Variants in ACTL6A observed in about 807,000 individuals in gnomAD.
ACTL6A encodes actin like 6A, also known as actin-like protein 6A.
ACTL6A carries 5 observed loss-of-function variants against 59.2 expected under a neutral mutation model. The observed-to-expected ratio is 0.08, with a 90% CI of 0.04 to 0.18. The LOEUF (loss-of-function observed/expected upper bound fraction) is 0.18. Ranked by LOEUF, ACTL6A falls within the 10% of genes least tolerant of loss-of-function variation. The pLI, the probability that ACTL6A is intolerant of heterozygous loss-of-function variation, is 1.00. For missense variants in ACTL6A, 285 were observed against 526.9 expected (o/e 0.54, Z 4.49); for synonymous variants, 154 against 171.8 (o/e 0.90, Z 0.81).
intron 1 of ACTL6A, among the ~76,000 whole-genome samples, chr3:179,569,124 G>A (rs977667854): frequency 6.6e-6 from 1 of 152,212 alleles, no homozygotes; most frequent in African/African-American, 2.4e-5. Context: ...GTTGATGGTG[G>A]AGGGAGGTTG....
rs773986823 is a variant in ACTL6A at position 179,573,437 on chromosome 3, A to G, written c.346A>G (p.Ser116Gly). The G allele has an allele frequency of 1.2e-5, 19 of 1,590,702 alleles. No individual in the cohort carries two copies. Among genetic ancestry groups the G allele is most frequent in the Admixed American group, 7.2e-5 (4 of 55,470 alleles). ...TYKMHVKSEA[S>G]LHPVLMSEAP... ...CAAAATGCATGTCAAATCAGAAGCCAGTCTCCATCCTGTTCTCATGTCAGA... is the reference window on the plus strand; with the variant it reads ...CAAAATGCATGTCAAATCAGAAGCCGGTCTCCATCCTGTTCTCATGTCAGA... Residue 116 changes from serine (S) to glycine (G), a missense_variant, in exon 4 of 14, where the codon AGT (serine) becomes GGT (glycine). Physicochemically the swap from Ser to Gly is moderately conservative, Grantham distance 56. Transcript: ENST00000429709.
rs1370546470 is a variant in ACTL6A, at chr3:179,573,237, A to G, written c.278-132A>G. 4.4e-5 allele frequency: 25 copies of G among 573,242 alleles called. No individual in the cohort carries two copies. The Admixed American group carries it at 9.5e-4, about 22-fold the overall frequency. 35.5% of individuals were successfully genotyped at this position (573,242 alleles called of 1,614,324 possible). ...CTCTATATAAAGTAATGTGGTATGA[A>G]GTTGATCTGTAAAATCAGTAGGTTC... On this transcript the variant is annotated intron_variant, in intron 3 of 13. Transcript: ENST00000429709.
In ACTL6A at chr3:179,570,411, G is replaced by A; in HGVS notation, c.277+170G>A. ...GAGAATACAAAGATGCATAAGAAAT[G>A]TTCCTTTTCATTAAAAGCTTACAGT... On this transcript the variant is annotated intron_variant, in intron 3 of 13. Coordinates refer to ENST00000429709, the MANE Select transcript of ACTL6A (RefSeq NM_004301.5). The surrounding 1 kb of genome is among the most constrained non-coding windows in gnomAD (Gnocchi z 4.3). 1.7e-6 allele frequency: 1 copy of A among 601,478 alleles called. No homozygotes were observed. The highest frequency in any genetic ancestry group is 3.6e-5 in the Admixed American group (1 of 27,850). The allele number at this position is 601,478 out of a possible 1,614,324, so 37.3% of individuals were successfully genotyped here.
intron 1 of ACTL6A, 138 bp downstream of exon 1, chr3:179,563,255 G>T: frequency 7.8e-7 from 1 of 1,287,768 alleles, no homozygotes; most frequent in Non-Finnish European, 1.0e-6. Context: ...CCCCGTCCCC[G>T]CCCCACGCTC....
Position 179,563,017 on chromosome 3 carries a change from T to C in ACTL6A, c.-76T>C. On this transcript the variant is annotated 5_prime_UTR_variant, in exon 1 of 14. Transcript: ENST00000429709. ...TAAGGGAGTCAGGGGCTATCGCTCC[T>C]CGAGACTCGCAGTCGCGGCCACTGC... The C allele has an allele frequency of 1.3e-6, 2 of 1,579,978 alleles. No individual in the cohort carries two copies. Among genetic ancestry groups the C allele is most frequent in the South Asian group, 2.3e-5 (2 of 88,300 alleles).
rs890672070 is a variant in ACTL6A, at chr3:179,570,830, A to G, written c.277+589A>G. Among the ~76,000 whole-genome samples the G allele has an allele frequency of 6.6e-6, 1 of 152,200 alleles. No homozygotes were observed. Among genetic ancestry groups the G allele is most frequent in the African/African-American group, 2.4e-5 (1 of 41,456 alleles). On this transcript the variant is annotated intron_variant, in intron 3 of 13. Coordinates refer to ENST00000429709, the MANE Select transcript of ACTL6A (RefSeq NM_004301.5). This position sits in a 1 kb window ranked among gnomAD's most constrained non-coding sequence, Gnocchi z 4.3. ...CATAAAAGGGCTTGTAAACCATCCC[A>G]GGGTTGTATTAAGCTAGTGACTGAA...
At position 179,563,120 on chromosome 3, in the gene ACTL6A, G is replaced by A. The variant is rs754723394; in HGVS notation, c.25+3G>A. 59 of 1,612,142 alleles carry A rather than the reference G, an allele frequency of 3.7e-5. 2 individuals carry two copies. In the Admixed American group the frequency reaches 4.0e-4, roughly 11 times the overall value. The stretch of plus-strand genomic sequence containing the variant: ...GAGCGGCGGCGTGTACGGGGGAGGT[G>A]AGTGAGTGCGGCCGGACGAGAGAGC... On this transcript the variant is annotated splice_donor_region_variant and intron_variant, in intron 1 of 13. Transcript: ENST00000429709.
intron 1 of ACTL6A, among the ~76,000 whole-genome samples, chr3:179,563,690 T>A (rs1294100274): frequency 2.0e-5 from 3 of 152,246 alleles, no homozygotes; most frequent in Admixed American, 6.5e-5. Context: ...GCCTCACCTT[T>A]CAGTAACTCT....
chr3:179,584,469 A>T (rs1718424632), intron 12 of ACTL6A: 1 of 152,142 alleles, frequency 6.6e-6, no homozygotes, highest in Non-Finnish European at 1.5e-5. Context: ...AGAATACAAA[A>T]ATTAGCTGGG....
chr3:179,587,478 G>A (rs537545304), intron 13 of ACTL6A, among the ~76,000 whole-genome samples: 2 of 152,228 alleles, frequency 1.3e-5, no homozygotes, highest in Admixed American at 1.3e-4. Flanking sequence ...GCTAAATAGT[G>A]TGTTTGGATG....
intron 11 of ACTL6A, among the ~76,000 whole-genome samples, chr3:179,582,678 A>G (rs1310329169): frequency 6.6e-6 from 1 of 152,190 alleles, no homozygotes; most frequent in Non-Finnish European, 1.5e-5. Context: ...ATATTTCCAG[A>G]TGAGCATTCT....
At chr3:179,581,381 G>A (rs1718335230) in intron 11 of ACTL6A, among the ~76,000 whole-genome samples, 161 bp downstream of exon 11, 2 of 152,120 alleles carry the variant, frequency 1.3e-5, no homozygotes, top group Admixed American at 1.3e-4. Flanking sequence ...ACTAGAAAAG[G>A]AAAAATGTGA....
rs369931398 is a variant in ACTL6A, at chr3:179,570,111, C to T, written c.147C>T (p.Asp49=). 2.3e-5 allele frequency: 37 copies of T among 1,613,850 alleles called. No individual in the cohort carries two copies. Among genetic ancestry groups the T allele is most frequent in the African/African-American group, 1.9e-4 (14 of 74,864 alleles). The change falls in exon 3 of 14, where the codon GAC becomes GAT. Residue 49 remains aspartate (D), a synonymous_variant. Coordinates refer to ENST00000429709, the MANE Select transcript of ACTL6A (RefSeq NM_004301.5). The surrounding 1 kb of genome is among the most constrained non-coding windows in gnomAD (Gnocchi z 4.3). The stretch of plus-strand genomic sequence containing the variant: ...TTGGTATGGTGGTAGAAAGAGATGA[C>T]GGAAGCACATTAATGGAAATAGATG... ...TAIGMVVERD[D]GSTLMEIDGD...
chr3:179,588,009 G>GATCA lies in ACTL6A; in HGVS notation c.1290_*1insTCAA. The GATCA allele has an allele frequency of 6.3e-7, 1 of 1,597,596 alleles. No individual in the cohort carries two copies. The highest frequency in any genetic ancestry group is 8.5e-7 in the Non-Finnish European group (1 of 1,175,372). ...CAGTGTGTAGAAAGAAAATGCCCTTGAGAAAGAGTTCCCAAGCTTCTACCT... is the reference window on the plus strand; with the variant it reads ...CAGTGTGTAGAAAGAAAATGCCCTTGATCAAGAAAGAGTTCCCAAGCTTCTACCT... On this transcript the variant is annotated frameshift_variant and stop_retained_variant, in exon 14 of 14. Transcript: ENST00000429709. LOFTEE classifies it high-confidence loss of function.
intron 1 of ACTL6A, among the ~76,000 whole-genome samples, chr3:179,565,334 G>A (rs934428473): frequency 3.4e-4 from 52 of 151,982 alleles, no homozygotes; most frequent in African/African-American, 1.1e-3. Context: ...CTGCTGGGGA[G>A]GCCGAGGCAC....
intron 4 of ACTL6A, 104 bp downstream of exon 4, chr3:179,573,573 A>G: frequency 1.3e-6 from 1 of 740,760 alleles, no homozygotes; most frequent in Non-Finnish European, 2.1e-6. Flanking sequence ...TTCTTTAAAG[A>G]GGCATAGAAA....
chr3:179,587,215 C>CTGTATATATACAGTTTATATACATATATA (rs1718524477), intron 13 of ACTL6A, among the ~76,000 whole-genome samples: 3 of 151,702 alleles, frequency 2.0e-5, no homozygotes, highest in African/African-American at 7.3e-5. Context: ...TACATATATA[C>CTGTATATATACAGTTTATATACATATATA]TGTATATATA....
intron 9 of ACTL6A, 28 bp from the exon 10 acceptor site, chr3:179,580,866 T>C: frequency 6.4e-7 from 1 of 1,553,844 alleles, no homozygotes; most frequent in South Asian, 1.2e-5. Flanking sequence ...TTTTGTCTTT[T>C]GTGTAATACG....
Position 179,588,253 on chromosome 3 carries a change from T to C in ACTL6A, c.*243T>C. On this transcript the variant is annotated 3_prime_UTR_variant, in exon 14 of 14. Transcript: ENST00000429709. ...TATAAATGTCTATTTTCTCTAAATATTTTGCTTTCAGTAAAATGCTTTCCA... is the reference window on the plus strand; with the variant it reads ...TATAAATGTCTATTTTCTCTAAATACTTTGCTTTCAGTAAAATGCTTTCCA... 1.4e-5 allele frequency: 5 copies of C among 365,054 alleles called. No homozygotes were observed. Among genetic ancestry groups the C allele is most frequent in the Non-Finnish European group, 9.6e-6 (2 of 207,804 alleles). The allele number at this position is 365,054 out of a possible 1,614,324, so 22.6% of individuals were successfully genotyped here.
Sources: gnomAD v4.1 joint callset for allele counts (sites outside exome capture counted in the v4.1 genomes callset) on GRCh38, gnomAD v4.1.1 for gene constraint, Gnocchi (gnomAD v3.1) non-coding constraint, MANE v1.5 for transcripts, NCBI Gene and HGNC (gene_info 2026-07-23, HGNC 2026-07-21) for gene names.